Variants in ADGRB1 observed in about 807,000 individuals in gnomAD.
The protein encoded by ADGRB1 is adhesion G protein-coupled receptor B1.
Under a neutral mutation model 175.7 loss-of-function variants are expected in ADGRB1, and 36 were observed. The observed-to-expected ratio is 0.20, with a 90% CI of 0.16 to 0.27. The LOEUF (loss-of-function observed/expected upper bound fraction) is 0.27, where lower values mean the gene tolerates loss of function less well. Ranked by LOEUF, ADGRB1 falls within the 10% of genes least tolerant of loss-of-function variation. The pLI, the probability that ADGRB1 is intolerant of heterozygous loss-of-function variation, is 1.00. For missense variants in ADGRB1, 1,731 were observed against 2,255.3 expected (o/e 0.77, Z 4.71); for synonymous variants, 1,054 against 979.4 (o/e 1.08, Z -1.42).
chr8:142,497,184 T>C (rs2131930316), intron 17 of ADGRB1, among the ~76,000 whole-genome samples: 2 of 152,330 alleles, frequency 1.3e-5, no homozygotes, highest in South Asian at 4.1e-4. Context: ...TCATGGTTGT[T>C]CCCATCTGGC....
intron 1 of ADGRB1, among the ~76,000 whole-genome samples, chr8:142,458,572 G>C (rs1457395395): frequency 2.0e-5 from 3 of 152,264 alleles, no homozygotes; most frequent in East Asian, 3.9e-4. Flanking sequence ...GCCCAGCGTG[G>C]CTAGCTCCTG....
chr8:142,544,468 G>T lies in ADGRB1; in HGVS notation c.*51G>T, dbSNP rs566703625. ...GGCCACGGAGGAGGGATGCTGCTCC[G>T]CCCGCTCCTGCCGCAGACGGGCACA... On this transcript the variant is annotated 3_prime_UTR_variant, in exon 31 of 31. Coordinates refer to ENST00000517894, the MANE Select transcript of ADGRB1 (RefSeq NM_001702.3). 1 of 1,418,750 alleles carries T rather than the reference G, an allele frequency of 7.0e-7. No homozygotes were observed. The highest frequency in any genetic ancestry group is 1.5e-5 in the South Asian group (1 of 67,236). The allele number at this position is 1,418,750 out of a possible 1,614,324, so 87.9% of individuals were successfully genotyped here. A position where few individuals can be genotyped will look rare whatever the true frequency, so the allele number is the denominator to read the frequency against.
In ADGRB1 at chr8:142,516,209, C is replaced by T. The variant is rs367717214; in HGVS notation, c.2818-1929C>T. Among the ~76,000 whole-genome samples the T allele has an allele frequency of 1.2e-3, 162 of 131,970 alleles. 2 individuals are homozygous for T. The highest frequency in any genetic ancestry group is 2.3e-3 in the Admixed American group (30 of 13,192). 86.6% of individuals were successfully genotyped at this position (131,970 alleles called of 152,430 possible). A position where few individuals can be genotyped will look rare whatever the true frequency, so the allele number is the denominator to read the frequency against. On this transcript the variant is annotated intron_variant, in intron 18 of 30. Transcript: ENST00000517894. ...CGTGTGTGGGGGCCCCAGGTGCATG[C>T]GTGTGTGCGGGCCCCAGGTGTGTGT...
intron 23 of ADGRB1, among the ~76,000 whole-genome samples, chr8:142,525,901 C>T (rs57073168): frequency 0.25 from 38,105 of 152,006 alleles, 5,159 homozygotes; most frequent in African/African-American, 0.35. Context: ...ACTCCTCCTT[C>T]CCCCCAGCAG....
chr8:142,520,028 G>GTGATGGAGTGATGA (rs1843689940), intron 19 of ADGRB1, among the ~76,000 whole-genome samples: 7 of 87,222 alleles, frequency 8.0e-5, no homozygotes, highest in East Asian at 7.6e-4. Flanking sequence ...GATGGTGGTG[G>GTGATGGAGTGATGA]TGGTGATGGT....
At chr8:142,498,290 C>A (rs1198401717) in intron 17 of ADGRB1, among the ~76,000 whole-genome samples, 1 of 152,212 alleles carries the variant, frequency 6.6e-6, no homozygotes, top group Non-Finnish European at 1.5e-5. Flanking sequence ...TGCCATGGCT[C>A]CAGGCACACA....
intron 1 of ADGRB1, among the ~76,000 whole-genome samples, chr8:142,450,575 G>C (rs1029410420): frequency 6.6e-6 from 1 of 151,380 alleles, no homozygotes; most frequent in African/African-American, 2.4e-5. Context: ...GAGAGCCCCC[G>C]AGCGTGTCCC....
At position 142,529,234 on chromosome 8, in the gene ADGRB1, G is replaced by A. The variant is rs912464440; in HGVS notation, c.3398+2607G>A. Among the ~76,000 whole-genome samples, 8 of 152,176 alleles carry A rather than the reference G, an allele frequency of 5.3e-5. No individual in the cohort carries two copies. The East Asian group carries it at 7.7e-4, about 15-fold the overall frequency. On this transcript the variant is annotated intron_variant, in intron 24 of 30. Transcript: ENST00000517894. Reference sequence around the variant, plus strand: ...TGAGTGTGCATGCATGCCACTGGGGGTGTGTGGGTATGCATGTCACCAGGT... The same window carrying A: ...TGAGTGTGCATGCATGCCACTGGGGATGTGTGGGTATGCATGTCACCAGGT...
At chr8:142,452,084 C>T (rs1389566232) in intron 1 of ADGRB1, among the ~76,000 whole-genome samples, 1 of 152,206 alleles carries the variant, frequency 6.6e-6, no homozygotes, top group Non-Finnish European at 1.5e-5. Context: ...CGCGCCCGGT[C>T]CCCGGAGGCG....
At chr8:142,534,143 G>A (rs960219877) in intron 25 of ADGRB1, among the ~76,000 whole-genome samples, 1 of 152,232 alleles carries the variant, frequency 6.6e-6, no homozygotes, top group Non-Finnish European at 1.5e-5. Flanking sequence ...CGGTAGGCAG[G>A]GAAGCAGGAT....
At chr8:142,516,305 TG>T (rs1843424650) in intron 18 of ADGRB1, among the ~76,000 whole-genome samples, 1 of 113,208 alleles carries the variant, frequency 8.8e-6, no homozygotes. Context: ...CCCAGGTGCA[TG>T]CGTGTGTGCG....
At chr8:142,489,002 G>A in intron 14 of ADGRB1, 33 bp from the exon 15 acceptor site, 12 of 1,602,958 alleles carry the variant, frequency 7.5e-6, no homozygotes, top group Non-Finnish European at 1.0e-5. Flanking sequence ...TGTGGGGATG[G>A]CGGGCCGGGG....
At chr8:142,483,701 ACATGCTGAACCCTGACCCTG>A (rs1841509197) in intron 11 of ADGRB1, among the ~76,000 whole-genome samples, 1 of 76,630 alleles carries the variant, frequency 1.3e-5, no homozygotes, top group East Asian at 4.0e-4. Flanking sequence ...TGCACTGGTC[ACATGCTGAACCCTGACCCTG>A]GTCACATGCT....
rs1356751205 is a variant in ADGRB1 at position 142,474,544 on chromosome 8, C to T, written c.785-930C>T. Among the ~76,000 whole-genome samples, 1 of 152,188 alleles carries T rather than the reference C, an allele frequency of 6.6e-6. No homozygotes were observed. The highest frequency in any genetic ancestry group is 6.5e-5 in the Admixed American group (1 of 15,284). Reference sequence around the variant, plus strand: ...GGTGCTGCTGCCCCTCTCTGGCCCACAGATGGCAGTGGCCCTCTCCTGCTT... The same window carrying T: ...GGTGCTGCTGCCCCTCTCTGGCCCATAGATGGCAGTGGCCCTCTCCTGCTT... On this transcript the variant is annotated intron_variant, in intron 2 of 30. Transcript: ENST00000517894. This position sits in a 1 kb window ranked among gnomAD's most constrained non-coding sequence, Gnocchi z 5.8.
At position 142,522,076 on chromosome 8, in the gene ADGRB1, A is replaced by G; in HGVS notation, c.3136A>G (p.Asn1046Asp). 1.2e-6 allele frequency: 2 copies of G among 1,612,260 alleles called. No individual in the cohort carries two copies. The highest frequency in any genetic ancestry group is 1.7e-6 in the Non-Finnish European group (2 of 1,179,664). Residue 1046 changes from asparagine to aspartate, a missense_variant, in exon 21 of 31, where the codon AAC becomes GAC. Around this residue, in one of 8 missense-constraint regions of ADGRB1, gnomAD observed 301 missense variants for 488.4 expected, o/e 0.62. Transcript: ENST00000517894. Reference sequence around the variant, plus strand: ...CATGGCGGTGACGGGCCACCTCCGGAACCGCCTCATCCGCAAGCGCTTCCT... The same window carrying G: ...CATGGCGGTGACGGGCCACCTCCGGGACCGCCTCATCCGCAAGCGCTTCCT... ...SYMAVTGHLR[N>D]RLIRKRFLCL... is the part of the protein sequence containing the mutation.
At chr8:142,458,336 T>C (rs996200101) in intron 1 of ADGRB1, among the ~76,000 whole-genome samples, 25 of 152,118 alleles carry the variant, frequency 1.6e-4, no homozygotes, top group African/African-American at 6.0e-4. Context: ...GTGGGGTGCG[T>C]GTGTGCAGTC....
At chr8:142,454,115 G>A (rs984367441) in intron 1 of ADGRB1, among the ~76,000 whole-genome samples, 1 of 152,184 alleles carries the variant, frequency 6.6e-6, no homozygotes, top group African/African-American at 2.4e-5. Flanking sequence ...GGATGCCAAA[G>A]AGATGGGGCG....
At chr8:142,539,070 A>G (rs1845108368) in intron 26 of ADGRB1, among the ~76,000 whole-genome samples, 1 of 152,196 alleles carries the variant, frequency 6.6e-6, no homozygotes, top group Non-Finnish European at 1.5e-5. Flanking sequence ...ATTCTCTCAC[A>G]TTTACAAACA....
At chr8:142,465,315 G>A (rs1352889305) in intron 2 of ADGRB1, among the ~76,000 whole-genome samples, 1 of 152,230 alleles carries the variant, frequency 6.6e-6, no homozygotes, top group Non-Finnish European at 1.5e-5. Context: ...ATTCCCTCCA[G>A]GATGGGAAAG....
Sources: gnomAD v4.1 joint callset for allele counts (sites outside exome capture counted in the v4.1 genomes callset) on GRCh38, gnomAD v4.1.1 for gene constraint, gnomAD v4.1.1 regional missense constraint, Gnocchi (gnomAD v3.1) non-coding constraint, MANE v1.5 for transcripts, NCBI Gene and HGNC (gene_info 2026-07-23, HGNC 2026-07-21) for gene names.